The following SPAG9 variants were observed in gnomAD, a reference collection of about 807,000 sequenced individuals.
SPAG9 encodes the protein C-Jun-amino-terminal kinase-interacting protein 4.
SPAG9 carries 35 observed loss-of-function variants against 166.5 expected under a neutral mutation model. The ratio of observed to expected loss-of-function variants is 0.21; its 90% CI spans 0.16 to 0.28. SPAG9 has a LOEUF of 0.28. Ranked by LOEUF, SPAG9 falls within the 10% of genes least tolerant of loss-of-function variation. SPAG9 has a pLI of 1.00. For missense variants in SPAG9, 1,235 were observed against 1,603.3 expected (o/e 0.77, Z 3.92); for synonymous variants, 534 against 565.5 (o/e 0.94, Z 0.79).
intron 2 of SPAG9, among the ~76,000 whole-genome samples, chr17:51,065,975 T>C (rs2047651106): frequency 6.6e-6 from 1 of 152,224 alleles, no homozygotes; most frequent in African/African-American, 2.4e-5. Flanking sequence ...ATTTGAGTCA[T>C]TAATATATAA....
intron 4 of SPAG9, chr17:51,046,766 A>C: frequency 1.3e-6 from 2 of 1,535,098 alleles, no homozygotes; most frequent in Non-Finnish European, 1.7e-6. Context: ...TGCCACAAAA[A>C]CAATGCCATC....
At position 51,014,324 on chromosome 17, in the gene SPAG9, G is replaced by C; in HGVS notation, c.1121C>G (p.Ala374Gly). The C allele has an allele frequency of 6.2e-7, 1 of 1,613,406 alleles. No homozygotes were observed. Among genetic ancestry groups the C allele is most frequent in the Non-Finnish European group, 8.5e-7 (1 of 1,179,528 alleles). ...GAGAGATTCTGTATTGCGATCAAAA[G>C]CTTTGTTCTCTATGCCTTTGGTGGG... is the stretch of plus-strand genomic sequence containing the variant. Reference protein sequence around the residue: ...STPTKGIENKAFDRNTESLFE... With the variant: ...STPTKGIENKGFDRNTESLFE... Residue 374 changes from alanine (A) to glycine (G), a missense_variant, in exon 9 of 30, where the codon GCT becomes GGT. Transcript: ENST00000262013.
At chr17:51,010,356 T>G (rs1463119789) in intron 9 of SPAG9, among the ~76,000 whole-genome samples, 2 of 152,064 alleles carry the variant, frequency 1.3e-5, no homozygotes, top group African/African-American at 2.4e-5. Context: ...ATGTGCTAAA[T>G]ATGCAACAGT....
At chr17:51,083,823 AT>A (rs937775817) in intron 1 of SPAG9, among the ~76,000 whole-genome samples, 4 of 152,020 alleles carry the variant, frequency 2.6e-5, no homozygotes, top group African/African-American at 9.7e-5. Flanking sequence ...TCTATGAACC[AT>A]ATTTCCCCAG....
intron 2 of SPAG9, among the ~76,000 whole-genome samples, chr17:51,073,276 C>T (rs967939660): frequency 4.0e-5 from 6 of 151,658 alleles, no homozygotes; most frequent in Admixed American, 1.3e-4. Context: ...TGCAGTGAGC[C>T]GAGATCACGC....
chr17:51,004,307 C>T (rs2045099937), intron 12 of SPAG9, among the ~76,000 whole-genome samples: 1 of 152,160 alleles, frequency 6.6e-6, no homozygotes, highest in Non-Finnish European at 1.5e-5. Context: ...TCATAACCTG[C>T]ATGTCTTACT....
At chr17:51,046,730 T>C (rs1332091605) in intron 4 of SPAG9, 5 of 1,535,686 alleles carry the variant, frequency 3.3e-6, no homozygotes, top group Non-Finnish European at 4.4e-6. Flanking sequence ...GGTATCTTTG[T>C]AGTGAGGATC....
At chr17:50,986,842 C>T (rs1163204815) in intron 22 of SPAG9, among the ~76,000 whole-genome samples, 1 of 152,090 alleles carries the variant, frequency 6.6e-6, no homozygotes, top group Non-Finnish European at 1.5e-5. Context: ...TTCTGGAGCA[C>T]CTCGATTTTA....
Position 51,001,733 on chromosome 17 carries a change from C to T in SPAG9, c.1589G>A (p.Arg530Gln), listed in dbSNP as rs1373975105. ...ERLMELQEAV[R>Q]WTEMIRASRE... ...TACAAACCGAATCATCTCTGTCCAT[C>T]GAACAGCTTCCTGAAGCTCCATCAA... The change falls in exon 13 of 30, where the codon CGA (arginine) becomes CAA (glutamine). Residue 530 changes from arginine (R) to glutamine (Q), a missense_variant. Coordinates refer to ENST00000262013, the MANE Select transcript of SPAG9 (RefSeq NM_001130528.3). 5.0e-6 allele frequency: 8 copies of T among 1,610,086 alleles called. No homozygotes were observed. Among genetic ancestry groups the T allele is most frequent in the Non-Finnish European group, 6.8e-6 (8 of 1,179,156 alleles).
At chr17:51,116,915 G>A (rs918062841) in intron 1 of SPAG9, among the ~76,000 whole-genome samples, 2 of 152,264 alleles carry the variant, frequency 1.3e-5, no homozygotes, top group African/African-American at 2.4e-5. Flanking sequence ...AAAATTCTAA[G>A]GAGAGCATTC....
intron 2 of SPAG9, among the ~76,000 whole-genome samples, chr17:51,061,423 G>T (rs1008506296): frequency 1.3e-5 from 2 of 151,738 alleles, no homozygotes; most frequent in African/African-American, 4.8e-5. Context: ...GACCAGCCTG[G>T]CCAACATGGT....
chr17:50,974,938 G>T lies in SPAG9; in HGVS notation c.3533C>A (p.Thr1178Asn). 6.2e-7 allele frequency: 1 copy of T among 1,608,642 alleles called. No individual in the cohort carries two copies. The highest frequency in any genetic ancestry group is 1.3e-5 in the African/African-American group (1 of 74,714). Residue 1178 changes from threonine to asparagine, a missense_variant, in exon 28 of 30, where the codon ACC becomes AAC. Physicochemically the swap from Thr to Asn is moderately conservative, Grantham distance 65. This residue lies in a region of SPAG9 where 243 missense variants were observed against 358.6 expected (regional missense o/e 0.68). Transcript: ENST00000262013. Reference protein sequence around the residue: ...ISIPLTETNKTSGVPGNRPGS... With the variant: ...ISIPLTETNKNSGVPGNRPGS... ...AGGACGATTTCCTGGTACACCTGAG[G>T]TTTTATTTGCTGCAACAGAAAAACC...
intron 22 of SPAG9, 44 bp downstream of exon 22, chr17:50,987,068 A>G (rs910939131): frequency 6.4e-7 from 1 of 1,560,376 alleles, no homozygotes. Flanking sequence ...TTCAAAAGCA[A>G]AAGTAAAACA....
intron 1 of SPAG9, among the ~76,000 whole-genome samples, chr17:51,095,175 T>C (rs2048576422): frequency 6.6e-6 from 1 of 151,474 alleles, no homozygotes; most frequent in Non-Finnish European, 1.5e-5. Flanking sequence ...CGGGCACCTG[T>C]AGTCCCAGCT....
intron 1 of SPAG9, among the ~76,000 whole-genome samples, chr17:51,111,828 TC>T (rs1183335703): frequency 6.6e-6 from 1 of 152,082 alleles, no homozygotes; most frequent in Admixed American, 6.6e-5. Context: ...GGTCTTGAAC[TC>T]CTGACCTCAG....
intron 2 of SPAG9, among the ~76,000 whole-genome samples, chr17:51,078,223 C>T (rs1289522726): frequency 6.6e-6 from 1 of 152,214 alleles, no homozygotes; most frequent in Non-Finnish European, 1.5e-5. Flanking sequence ...CATTTTCTCT[C>T]GCTCAAGTTG....
In SPAG9 at chr17:51,031,368, A is replaced by G. The variant is rs539907266; in HGVS notation, c.783+313T>C. The G allele has an allele frequency of 7.0e-4, 252 of 358,934 alleles. 1 individual carries two copies. The highest frequency in any genetic ancestry group is 1.1e-3 in the Non-Finnish European group (214 of 191,800). The allele number at this position is 358,934 out of a possible 1,614,324, so 22.2% of individuals were successfully genotyped here. A position where few individuals can be genotyped will look rare whatever the true frequency, so the allele number is the denominator to read the frequency against. On this transcript the variant is annotated intron_variant, in intron 6 of 29. Coordinates refer to ENST00000262013, the MANE Select transcript of SPAG9 (RefSeq NM_001130528.3). ...ACAAGTTACATACATTATGCCCTGA[A>G]GAAGGTATTTCTGGAAAGTATACCA...
At chr17:51,099,172 G>A (rs1458887261) in intron 1 of SPAG9, among the ~76,000 whole-genome samples, 14 of 149,584 alleles carry the variant, frequency 9.4e-5, no homozygotes, top group African/African-American at 3.0e-4. Flanking sequence ...GGTGGCTCAC[G>A]CCTGTAATCC....
rs149873438 is a variant in SPAG9 at position 50,979,825 on chromosome 17, A to T, written c.3330T>A (p.Ser1110=). 6.8e-6 allele frequency: 11 copies of T among 1,614,258 alleles called. No homozygotes were observed. In the East Asian group the frequency reaches 2.5e-4, roughly 36 times the overall value. ...TGTGTGCATGATAGAGACGGAGCGT[A>T]GAATCCAAGCGAATGGAGACCCACA... The part of the protein sequence containing the change: ...DGVWVSIRLD[S]TLRLYHAHTY... Residue 1110 remains serine (S), a synonymous_variant, in exon 26 of 30, where the codon TCT becomes TCA. Transcript: ENST00000262013.
Sources: allele counts gnomAD v4.1 joint callset (sites outside exome capture counted in the v4.1 genomes callset), GRCh38; gene constraint gnomAD v4.1.1; regional missense constraint gnomAD v4.1.1; transcripts MANE v1.5; gene names NCBI Gene and HGNC (gene_info 2026-07-23, HGNC 2026-07-21).